Variants in ARHGAP15 observed in about 807,000 individuals in gnomAD.
ARHGAP15 encodes the protein rho GTPase-activating protein 15.
Under a neutral mutation model 63.7 loss-of-function variants are expected in ARHGAP15, and 51 were observed. The ratio of observed to expected loss-of-function variants is 0.80; its 90% CI spans 0.64 to 1.01. ARHGAP15 has a LOEUF of 1.01. Among genes scored for constraint, ARHGAP15 ranks in the 50% least tolerant of loss-of-function variants. The probability of loss-of-function intolerance (pLI) is 0.00; values close to 1 mark genes in which losing one functional copy is unlikely to be tolerated. For missense variants in ARHGAP15, 560 were observed against 564.6 expected, an observed-to-expected ratio of 0.99 and a Z score of 0.08; for synonymous variants, 191 against 193.8, an observed-to-expected ratio of 0.99 and a Z score of 0.12.
At chr2:143,245,945 C>T (rs1694031362) in intron 5 of ARHGAP15, among the ~76,000 whole-genome samples, 1 of 151,924 alleles carries the variant, frequency 6.6e-6, no homozygotes, top group Admixed American at 6.6e-5. Flanking sequence ...AGTCACAGCC[C>T]CAGAATTTTG....
At chr2:143,685,484 G>T (rs1276218100) in intron 12 of ARHGAP15, among the ~76,000 whole-genome samples, 2 of 152,174 alleles carry the variant, frequency 1.3e-5, no homozygotes, top group Non-Finnish European at 2.9e-5. Context: ...AGAGGGCAGG[G>T]CTGCACTTCC....
At chr2:143,259,222 T>A (rs1051577936) in intron 6 of ARHGAP15, among the ~76,000 whole-genome samples, 5 of 152,138 alleles carry the variant, frequency 3.3e-5, no homozygotes, top group Admixed American at 3.3e-4. Flanking sequence ...GTGAAACCCT[T>A]CTCTTTTGAC....
intron 10 of ARHGAP15, among the ~76,000 whole-genome samples, chr2:143,548,851 C>CA (rs1274727852): frequency 5.3e-5 from 8 of 151,040 alleles, no homozygotes; most frequent in African/African-American, 1.9e-4. Context: ...GAAGGTAGAA[C>CA]AAAAAACCAA....
At chr2:143,499,357 C>T (rs80150157) in intron 9 of ARHGAP15, among the ~76,000 whole-genome samples, 10,894 of 152,056 alleles carry the variant, frequency 0.072, 587 homozygotes, top group East Asian at 0.22. Context: ...GGACTCAGTG[C>T]GGGAGTTTCA....
chr2:143,371,562 A>G (rs1310723876), intron 6 of ARHGAP15, among the ~76,000 whole-genome samples: 1 of 152,164 alleles, frequency 6.6e-6, no homozygotes, highest in Non-Finnish European at 1.5e-5. Context: ...TTATATACAT[A>G]CAGATTCAGT....
At chr2:143,245,116 C>A (rs1693999710) in intron 5 of ARHGAP15, among the ~76,000 whole-genome samples, 1 of 152,034 alleles carries the variant, frequency 6.6e-6, no homozygotes, top group Non-Finnish European at 1.5e-5. Flanking sequence ...CCAGAGGCAC[C>A]CATTGAGGGG....
At chr2:143,369,857 A>G (rs950079303) in intron 6 of ARHGAP15, among the ~76,000 whole-genome samples, 14 of 152,000 alleles carry the variant, frequency 9.2e-5, no homozygotes, top group Admixed American at 7.2e-4. Context: ...TTATTATTAT[A>G]TCAATTTATT....
chr2:143,423,555 C>T (rs1689020034), intron 6 of ARHGAP15, among the ~76,000 whole-genome samples: 1 of 152,040 alleles, frequency 6.6e-6, no homozygotes, highest in Non-Finnish European at 1.5e-5. Flanking sequence ...TAGTGAGATG[C>T]ACACCATTAT....
At chr2:143,710,953 C>A (rs1055652933) in intron 13 of ARHGAP15, among the ~76,000 whole-genome samples, 9 of 152,208 alleles carry the variant, frequency 5.9e-5, no homozygotes, top group African/African-American at 2.2e-4. Flanking sequence ...CAAATTCCTT[C>A]AGGAAGTCTC....
chr2:143,252,566 C>G (rs1187340951), intron 6 of ARHGAP15, among the ~76,000 whole-genome samples: 2 of 151,772 alleles, frequency 1.3e-5, no homozygotes, highest in Non-Finnish European at 2.9e-5. Context: ...TTTAGAGAAA[C>G]AAGAGGTGAT....
intron 13 of ARHGAP15, among the ~76,000 whole-genome samples, chr2:143,715,804 T>C (rs1487768742): frequency 1.3e-5 from 2 of 152,352 alleles, no homozygotes; most frequent in East Asian, 3.9e-4. Flanking sequence ...CCCGTGCCTA[T>C]GTTCTGAATG....
intron 6 of ARHGAP15, among the ~76,000 whole-genome samples, chr2:143,327,854 C>G (rs539117831): frequency 6.6e-6 from 1 of 151,844 alleles, no homozygotes; most frequent in South Asian, 2.1e-4. Context: ...ATCTATCCAT[C>G]TGACAAAGGG....
At chr2:143,628,754 C>A (rs538981507) in intron 12 of ARHGAP15, among the ~76,000 whole-genome samples, 1 of 152,258 alleles carries the variant, frequency 6.6e-6, no homozygotes, top group East Asian at 1.9e-4. Flanking sequence ...TATGGGTAAC[C>A]AATTGTCTGC....
At chr2:143,479,404 T>C (rs1691971292) in intron 8 of ARHGAP15, among the ~76,000 whole-genome samples, 1 of 152,096 alleles carries the variant, frequency 6.6e-6, no homozygotes. Flanking sequence ...CTCATTTGAT[T>C]TGGCTGTGGC....
intron 6 of ARHGAP15, among the ~76,000 whole-genome samples, chr2:143,273,894 A>C (rs1251859249): frequency 1.3e-5 from 2 of 152,140 alleles, no homozygotes; most frequent in East Asian, 3.9e-4. Flanking sequence ...CATGGAGTTC[A>C]AATCTTTTTT....
At chr2:143,590,224 T>C (rs1474548550) in intron 11 of ARHGAP15, among the ~76,000 whole-genome samples, 1 of 152,212 alleles carries the variant, frequency 6.6e-6, no homozygotes, top group East Asian at 1.9e-4. Context: ...CCAGAGTGGA[T>C]GGCAATGCTA....
intron 6 of ARHGAP15, among the ~76,000 whole-genome samples, chr2:143,373,863 A>C (rs1276818229): frequency 6.6e-6 from 1 of 152,158 alleles, no homozygotes; most frequent in South Asian, 2.1e-4. Flanking sequence ...ATAAAGTTCT[A>C]TGTCTCCTAA....
chr2:143,236,180 A>C, intron 5 of ARHGAP15: 1 of 521,804 alleles, frequency 1.9e-6, no homozygotes, highest in South Asian at 3.0e-5. Context: ...GAAATATTCA[A>C]ATGAATAGTA....
At chr2:143,608,898 G>A (rs1698150146) in intron 11 of ARHGAP15, 1 of 152,178 alleles carries the variant, frequency 6.6e-6, no homozygotes, top group South Asian at 2.1e-4. Flanking sequence ...AACTTGGGAA[G>A]CATTGCTTGC....
Sources: allele counts gnomAD v4.1 joint callset (sites outside exome capture counted in the v4.1 genomes callset), GRCh38; gene constraint gnomAD v4.1.1; transcripts MANE v1.5; gene names NCBI Gene and HGNC (gene_info 2026-07-23, HGNC 2026-07-21).